The following WDR11 variants were observed in gnomAD, a reference collection of about 807,000 sequenced individuals.
WDR11 encodes WD repeat domain 11.
In WDR11, 83 loss-of-function variants were observed where a neutral mutation model predicts 151.2. The observed-to-expected ratio is 0.55, with a 90% CI of 0.46 to 0.66. The LOEUF is 0.66. Among genes scored for constraint, WDR11 ranks in the 30% least tolerant of loss-of-function variants. WDR11 has a pLI of 0.00. For synonymous variants in WDR11, 484 were observed against 533.1 expected (o/e 0.91, Z 1.27); for missense variants, 1,301 against 1,480.9 (o/e 0.88, Z 1.99).
At chr10:120,872,339 A>T (rs879885081) in intron 10 of WDR11, among the ~76,000 whole-genome samples, 21 of 152,204 alleles carry the variant, frequency 1.4e-4, no homozygotes, top group Admixed American at 1.2e-3. Context: ...ATATTTCACC[A>T]CTAATAGATT....
At chr10:120,866,979 C>A in intron 8 of WDR11, 87 bp from the exon 9 acceptor site, 1 of 1,177,052 alleles carries the variant, frequency 8.5e-7, no homozygotes, top group Non-Finnish European at 1.2e-6. Context: ...AGATAGAATG[C>A]CATAATCTGG....
chr10:120,871,394 G>A (rs1846535602), intron 10 of WDR11, 48 bp downstream of exon 10: 2 of 1,568,056 alleles, frequency 1.3e-6, no homozygotes, highest in South Asian at 1.1e-5. Context: ...TTTATAAGAT[G>A]TTTAGGTTTT....
chr10:120,906,226 T>C, intron 27 of WDR11: 1 of 1,451,188 alleles, frequency 6.9e-7, no homozygotes, highest in Non-Finnish European at 9.0e-7. Context: ...GCTAGTTTCC[T>C]ACTAATATGC....
At chr10:120,887,162 T>G (rs1433641561) in intron 16 of WDR11, among the ~76,000 whole-genome samples, 1 of 152,204 alleles carries the variant, frequency 6.6e-6, no homozygotes, top group African/African-American at 2.4e-5. Context: ...AGCAGTGTTT[T>G]AAACTCAGGC....
chr10:120,880,952 G>C, intron 13 of WDR11, 51 bp downstream of exon 13: 4 of 1,510,528 alleles, frequency 2.6e-6, no homozygotes, highest in Non-Finnish European at 3.6e-6. Flanking sequence ...ATGAAATCTC[G>C]TGGATTTTTT....
chr10:120,902,300 C>T lies in WDR11; in HGVS notation c.2731C>T (p.Gln911Ter). ...LLLDPEFTLL[Q>*]RCLLVSRLYG... The stretch of plus-strand genomic sequence containing the variant: ...GCTTGATCCAGAATTCACTCTCTTG[C>T]AGAGGTGCCTGCTTGTTTCAAGGTA... Residue 911 changes from glutamine to a stop codon, truncating the protein, a stop_gained, in exon 22 of 29, where the codon CAG becomes TAG. Coordinates refer to ENST00000263461, the MANE Select transcript of WDR11 (RefSeq NM_018117.12). LOFTEE classifies it high-confidence loss of function. 1 of 1,614,026 alleles carries T rather than the reference C, an allele frequency of 6.2e-7. No homozygotes were observed. The highest frequency in any genetic ancestry group is 8.5e-7 in the Non-Finnish European group (1 of 1,179,908).
At position 120,890,023 on chromosome 10, in the gene WDR11, A is replaced by G. The variant is rs1304880383; in HGVS notation, c.2343+14A>G. On this transcript the variant is annotated intron_variant, in intron 18 of 28. Coordinates refer to ENST00000263461, the MANE Select transcript of WDR11 (RefSeq NM_018117.12). ...GATACTAAAGAGGTAGGCCCTCTCC[A>G]TGAGGATAAAACGTAAATAAATTGT... 6.5e-7 allele frequency: 1 copy of G among 1,532,084 alleles called. No homozygotes were observed. The highest frequency in any genetic ancestry group is 9.0e-7 in the Non-Finnish European group (1 of 1,106,262). The allele number at this position is 1,532,084 out of a possible 1,614,324, so 94.9% of individuals were successfully genotyped here. A position where few individuals can be genotyped will look rare whatever the true frequency, so the allele number is the denominator to read the frequency against.
rs745645916 is a variant in WDR11 at position 120,908,608 on chromosome 10, C to G, written c.3570C>G (p.Leu1190=). 1.2e-6 allele frequency: 2 copies of G among 1,614,190 alleles called. No individual in the cohort carries two copies. Among genetic ancestry groups the G allele is most frequent in the Non-Finnish European group, 1.7e-6 (2 of 1,180,032 alleles). Residue 1190 remains leucine, a synonymous_variant, in exon 29 of 29, where the codon CTC becomes CTG. Coordinates refer to ENST00000263461, the MANE Select transcript of WDR11 (RefSeq NM_018117.12). The stretch of plus-strand genomic sequence containing the variant: ...ATTATGCCCGGAGTTTGAAGAACCT[C>G]GGTTTTAAGCAGGGAGCAGTTCTCT... ...YADYARSLKN[L]GFKQGAVLFA...
Position 120,871,676 on chromosome 10 carries a change from C to G in WDR11, c.1471+330C>G, listed in dbSNP as rs563009947. ...GCTCCTTGTCTGTAATTGGACCACC[C>G]CAGTCTTTATGTCATGTCAGTTTTC... On this transcript the variant is annotated intron_variant, in intron 10 of 28. Coordinates refer to ENST00000263461, the MANE Select transcript of WDR11 (RefSeq NM_018117.12). Among the ~76,000 whole-genome samples the G allele has an allele frequency of 1.7e-4, 26 of 152,230 alleles. No individual in the cohort carries two copies. The East Asian group carries it at 5.0e-3, about 29-fold the overall frequency.
chr10:120,858,612 A>T, intron 2 of WDR11, 31 bp from the exon 3 acceptor site: 9 of 1,613,922 alleles, frequency 5.6e-6, no homozygotes, highest in Non-Finnish European at 6.8e-6. Flanking sequence ...CAGCGCAAGT[A>T]TTTACTTGAT....
rs1230784459 is a variant in WDR11 at position 120,890,867 on chromosome 10, T to C, written c.2495T>C (p.Met832Thr). The change falls in exon 19 of 29, where the codon ATG (methionine) becomes ACG (threonine). Residue 832 changes from methionine (M) to threonine (T), a missense_variant. Around this residue, in one of 3 missense-constraint regions of WDR11, gnomAD observed 589 missense variants for 670.6 expected, o/e 0.88. Coordinates refer to ENST00000263461, the MANE Select transcript of WDR11 (RefSeq NM_018117.12). ...TCTATGAAGTCTGCGTGCTTTAGAA[T>C]GGATGAACAAGAGTTAACCGGTATG... ...EMSMKSACFR[M>T]DEQELTEPVW... 9 of 1,614,060 alleles carry C rather than the reference T, an allele frequency of 5.6e-6. No homozygotes were observed. The highest frequency in any genetic ancestry group is 7.6e-6 in the Non-Finnish European group (9 of 1,180,038).
chr10:120,854,978 T>C (rs1845899660), intron 2 of WDR11, among the ~76,000 whole-genome samples: 1 of 152,206 alleles, frequency 6.6e-6, no homozygotes, highest in Non-Finnish European at 1.5e-5. Flanking sequence ...ATTGTGCTTT[T>C]TCTCATACAT....
intron 19 of WDR11, among the ~76,000 whole-genome samples, chr10:120,897,582 T>C (rs11199633): frequency 0.37 from 56,590 of 152,014 alleles, 10,629 homozygotes; most frequent in Admixed American, 0.44. Context: ...TCAGACTCTG[T>C]CAAAAATGTT....
At position 120,860,221 on chromosome 10, in the gene WDR11, G is replaced by C; in HGVS notation, c.465G>C (p.Lys155Asn). The change falls in exon 4 of 29, where the codon AAG becomes AAC. Residue 155 changes from lysine (K) to asparagine (N), a missense_variant. Lys to Asn is a moderately conservative substitution (Grantham distance 94). Coordinates refer to ENST00000263461, the MANE Select transcript of WDR11 (RefSeq NM_018117.12). ...ACACTGGCACCAAACTATGGAAGAAGAGCTATGCAGATAACATTCTTTCTT... is the reference window on the plus strand; with the variant it reads ...ACACTGGCACCAAACTATGGAAGAACAGCTATGCAGATAACATTCTTTCTT... ...NADTGTKLWK[K>N]SYADNILSFS... is the part of the protein sequence containing the mutation. 6.2e-7 allele frequency: 1 copy of C among 1,614,176 alleles called. No homozygotes were observed. The highest frequency in any genetic ancestry group is 8.5e-7 in the Non-Finnish European group (1 of 1,180,034).
In WDR11 at chr10:120,866,644, G is replaced by A. The variant is rs554794736; in HGVS notation, c.1070G>A (p.Arg357His). 18 of 1,614,154 alleles carry A rather than the reference G, an allele frequency of 1.1e-5. No individual in the cohort carries two copies. The highest frequency in any genetic ancestry group is 1.0e-4 in the Admixed American group (6 of 60,028). The change falls in exon 8 of 29, where the codon CGT (arginine) becomes CAT (histidine). Residue 357 changes from arginine (R) to histidine (H), a missense_variant. By Grantham distance (29) the Arg-to-His change is conservative. Coordinates refer to ENST00000263461, the MANE Select transcript of WDR11 (RefSeq NM_018117.12). ...GCAATCAGGGTGACAAAAACCGTCC[G>A]TCCCTTCAGTATGGTGTGCTGTCCT... ...CDAIRVTKTV[R>H]PFSMVCCPVN...
intron 9 of WDR11, among the ~76,000 whole-genome samples, chr10:120,869,256 G>A (rs980607331): frequency 1.5e-4 from 22 of 151,584 alleles, no homozygotes; most frequent in East Asian, 1.9e-4. Context: ...GACTACAGGC[G>A]CCCGCCACCA....
rs1223695395 is a variant in WDR11 at position 120,905,882 on chromosome 10, T to C, written c.3298T>C (p.Leu1100=). ...NRAAWLAKVR[L]NPEECADVLR... Reference sequence around the variant, plus strand: ...ACACAGGCGTCTTTCTCAGGTCCGTTTGAATCCTGAGGAGTGTGCCGATGT... The same window carrying C: ...ACACAGGCGTCTTTCTCAGGTCCGTCTGAATCCTGAGGAGTGTGCCGATGT... The change falls in exon 27 of 29, where the codon TTG becomes CTG. Residue 1100 remains leucine (L), a synonymous_variant. Transcript: ENST00000263461. 2 of 1,614,168 alleles carry C rather than the reference T, an allele frequency of 1.2e-6. No homozygotes were observed. The highest frequency in any genetic ancestry group is 1.1e-5 in the South Asian group (1 of 91,082).
chr10:120,851,428 C>G lies in WDR11; in HGVS notation c.8C>G (p.Pro3Arg). 2.5e-6 allele frequency: 4 copies of G among 1,611,284 alleles called. No homozygotes were observed. The highest frequency in any genetic ancestry group is 1.7e-5 in the Admixed American group (1 of 59,766). MLPYTVNFKVSAR... is the reference protein window; with the variant it reads MLRYTVNFKVSAR... ...CCTGGGCTGGCCGCCGGGATGTTGCCCTACACAGTGAACTTCAAGGTGTCG... is the reference window on the plus strand; with the variant it reads ...CCTGGGCTGGCCGCCGGGATGTTGCGCTACACAGTGAACTTCAAGGTGTCG... Residue 3 changes from proline (P) to arginine (R), a missense_variant, in exon 1 of 29, where the codon CCC (proline) becomes CGC (arginine). Physicochemically the swap from Pro to Arg is moderately radical, Grantham distance 103 (BLOSUM62 -2). Around this residue, in one of 3 missense-constraint regions of WDR11, gnomAD observed 692 missense variants for 762.5 expected, o/e 0.91. Transcript: ENST00000263461.
chr10:120,862,630 A>G (rs1480545042), intron 4 of WDR11, 105 bp from the exon 5 acceptor site: 10 of 1,158,342 alleles, frequency 8.6e-6, no homozygotes, highest in African/African-American at 1.5e-5. Flanking sequence ...TGCCAGTTAT[A>G]TATTATTAAA....
Sources: gnomAD v4.1 joint callset for allele counts (sites outside exome capture counted in the v4.1 genomes callset) on GRCh38, gnomAD v4.1.1 for gene constraint, gnomAD v4.1.1 regional missense constraint, MANE v1.5 for transcripts, NCBI Gene and HGNC (gene_info 2026-07-23, HGNC 2026-07-21) for gene names.